The following C16orf96 variants were observed in gnomAD, a reference collection of about 807,000 sequenced individuals.
C16orf96 encodes uncharacterized protein C16orf96.
C16orf96 carries 108 observed loss-of-function variants against 103.6 expected under a neutral mutation model. The observed-to-expected ratio is 1.04, with a 90% CI of 0.89 to 1.22. The LOEUF is 1.22. Among genes scored for constraint, C16orf96 ranks in the 50% most tolerant of loss-of-function variants. C16orf96 has a pLI of 0.00. For synonymous variants in C16orf96, 566 were observed against 593.5 expected, an observed-to-expected ratio of 0.95 and a Z score of 0.67; for missense variants, 1,586 against 1,464.2, an observed-to-expected ratio of 1.08 and a Z score of -1.36.
chr16:4,553,973 C>G (rs1290942008), upstream of C16orf96, among the ~76,000 whole-genome samples: 2 of 152,210 alleles, frequency 1.3e-5, no homozygotes, highest in South Asian at 2.1e-4. Context: ...AGCAGGGCTC[C>G]TGCTGTGTGG....
chr16:4,580,481 C>T (rs952006422), intron 7 of C16orf96, among the ~76,000 whole-genome samples: 2 of 152,022 alleles, frequency 1.3e-5, no homozygotes, highest in African/African-American at 4.8e-5. Context: ...CTTAACATTT[C>T]CCTGAGCCAA....
At chr16:4,598,242 T>G (rs998441447) in intron 14 of C16orf96, among the ~76,000 whole-genome samples, 2 of 152,064 alleles carry the variant, frequency 1.3e-5, no homozygotes, top group African/African-American at 4.8e-5. Flanking sequence ...TCCCAGCTAC[T>G]TGGGGGGCTG....
At chr16:4,555,220 G>A (rs1030339425), upstream of C16orf96, among the ~76,000 whole-genome samples, 16 of 151,074 alleles carry the variant, frequency 1.1e-4, no homozygotes, top group East Asian at 4.1e-4. Context: ...CGGAGATCGC[G>A]CCACTGCACT....
Position 4,600,311 on chromosome 16 carries a change from C to T in C16orf96, c.3420C>T (p.Asn1140=). 1 of 1,548,126 alleles carries T rather than the reference C, an allele frequency of 6.5e-7. No homozygotes were observed. The highest frequency in any genetic ancestry group is 2.4e-5 in the East Asian group (1 of 40,876). Residue 1140 remains asparagine, a synonymous_variant, in exon 16 of 16, where the codon AAC becomes AAT. Coordinates refer to ENST00000444310, the MANE Select transcript of C16orf96 (RefSeq NM_001145011.2). ...VGRKPPEEPA[N]P ...GGAAGCCCCCCGAGGAGCCCGCCAA[C>T]CCGTGAGCCCCACCCCGCTGCGCCC... is the stretch of plus-strand genomic sequence containing the variant.
At chr16:4,588,055 A>G in intron 8 of C16orf96, 112 bp from the exon 9 acceptor site, 2 of 1,120,594 alleles carry the variant, frequency 1.8e-6, no homozygotes, top group Non-Finnish European at 1.2e-6. Context: ...AGCCAAGGCT[A>G]AAAGTCCAGA....
the C16orf96 span, among the ~76,000 whole-genome samples, chr16:4,543,833 G>C: frequency 1.3e-5 from 2 of 151,802 alleles, no homozygotes; most frequent in Non-Finnish European, 2.9e-5. Flanking sequence ...GTAGAGACAG[G>C]GTTTCACCAT....
intron 2 of C16orf96, among the ~76,000 whole-genome samples, chr16:4,572,852 G>T (rs746549569): frequency 2.3e-4 from 35 of 152,122 alleles, no homozygotes; most frequent in Non-Finnish European, 2.8e-4. Flanking sequence ...ACCATGCATG[G>T]AAGGACATGG....
intron 5 of C16orf96, 36 bp from the exon 6 acceptor site, chr16:4,578,904 C>G (rs1287328109): frequency 7.3e-6 from 11 of 1,511,486 alleles, no homozygotes; most frequent in African/African-American, 6.9e-5. Context: ...TTCCTCCATC[C>G]GAGCCCTCAG....
the C16orf96 span, among the ~76,000 whole-genome samples, chr16:4,541,909 A>T: frequency 1.3e-5 from 2 of 152,182 alleles, no homozygotes; most frequent in African/African-American, 2.4e-5. Context: ...GCTCACAGGA[A>T]CCTAGGTTGT....
rs140665668 is a variant in C16orf96, at chr16:4,595,729, C to T, written c.3127+926C>T. On this transcript the variant is annotated intron_variant, in intron 14 of 15. Coordinates refer to ENST00000444310, the MANE Select transcript of C16orf96 (RefSeq NM_001145011.2). Reference sequence around the variant, plus strand: ...TGTTGTTGTTTGTTTGTTTTTGAGGCGGAGTCTTGCTCTGTCGCCCAGGCT... The same window carrying T: ...TGTTGTTGTTTGTTTGTTTTTGAGGTGGAGTCTTGCTCTGTCGCCCAGGCT... Among the ~76,000 whole-genome samples, 670 of 151,900 alleles carry T rather than the reference C, an allele frequency of 4.4e-3. 7 individuals carry two copies. Among genetic ancestry groups the T allele is most frequent in the African/African-American group, 0.016 (647 of 41,402 alleles).
At chr16:4,595,690 T>TTTGTTG (rs56706290) in intron 14 of C16orf96, among the ~76,000 whole-genome samples, 255 of 150,710 alleles carry the variant, frequency 1.7e-3, no homozygotes, top group East Asian at 2.0e-3. Flanking sequence ...ATTCTGGTTT[T>TTTGTTG]TTGTTGTTGT....
In C16orf96 at chr16:4,593,286, G is replaced by A. The variant is rs1013478335; in HGVS notation, c.2837G>A (p.Ser946Asn). The change falls in exon 12 of 16, where the codon AGC becomes AAC. Residue 946 changes from serine to asparagine, a missense_variant. Coordinates refer to ENST00000444310, the MANE Select transcript of C16orf96 (RefSeq NM_001145011.2). This position sits in a 1 kb window ranked among gnomAD's most constrained non-coding sequence, Gnocchi z 4.2. ...CGGCTGCGGCCAGCCAGCGCCAACA[G>A]CTGCGAGTACTTGCAGCGGCAACAG... Reference protein sequence around the residue: ...LSRLRPASANSCEYLQRQQMR... With the variant: ...LSRLRPASANNCEYLQRQQMR... 3 of 1,550,948 alleles carry A rather than the reference G, an allele frequency of 1.9e-6. No homozygotes were observed. Among genetic ancestry groups the A allele is most frequent in the Non-Finnish European group, 8.7e-7 (1 of 1,146,908 alleles).
intron 9 of C16orf96, among the ~76,000 whole-genome samples, chr16:4,589,052 C>T (rs564660161): frequency 3.9e-5 from 6 of 152,238 alleles, no homozygotes; most frequent in African/African-American, 7.2e-5. Context: ...AGTCAGTAAA[C>T]GATGAATGAA....
chr16:4,549,532 G>A, the C16orf96 span, among the ~76,000 whole-genome samples: 6 of 150,344 alleles, frequency 4.0e-5, no homozygotes, highest in South Asian at 2.1e-4. Flanking sequence ...GCTCACACCC[G>A]TAATCCTGTA....
chr16:4,578,702 G>C (rs543072181), intron 5 of C16orf96, among the ~76,000 whole-genome samples: 16 of 152,242 alleles, frequency 1.1e-4, no homozygotes, highest in Non-Finnish European at 1.3e-4. Context: ...AAGTTGTAGT[G>C]AGCCGAGATC....
chr16:4,568,194 A>G (rs560240087), intron 1 of C16orf96, among the ~76,000 whole-genome samples: 3 of 152,084 alleles, frequency 2.0e-5, no homozygotes, highest in South Asian at 2.1e-4. Context: ...ATGAGCCACC[A>G]TACCTGGCCT....
the C16orf96 span, chr16:4,538,666 C>T: frequency 4.6e-5 from 7 of 152,266 alleles, no homozygotes; most frequent in South Asian, 2.1e-4. Context: ...AGGGCTCCCG[C>T]GCGAAGCCGT....
Position 4,594,473 on chromosome 16 carries a change from A to T in C16orf96, c.2990A>T (p.Tyr997Phe). 1 of 1,551,502 alleles carries T rather than the reference A, an allele frequency of 6.4e-7. No individual in the cohort carries two copies. Among genetic ancestry groups the T allele is most frequent in the Non-Finnish European group, 8.7e-7 (1 of 1,146,990 alleles). The change falls in exon 13 of 16, where the codon TAT becomes TTT. Residue 997 changes from tyrosine (Y) to phenylalanine (F), a missense_variant. Coordinates refer to ENST00000444310, the MANE Select transcript of C16orf96 (RefSeq NM_001145011.2). ...AAGTCCTGCAACCTGTTGACGCTCT[A>T]TCCCTACGGGGATCCCCACGTGATC... is the stretch of plus-strand genomic sequence containing the variant. ...KCKSCNLLTLYPYGDPHVIDY... is the reference protein window; with the variant it reads ...KCKSCNLLTLFPYGDPHVIDY...
intron 7 of C16orf96, among the ~76,000 whole-genome samples, chr16:4,582,943 AT>A (rs923409747): frequency 2.6e-5 from 4 of 152,004 alleles, no homozygotes; most frequent in Admixed American, 6.6e-5. Context: ...TGCTATGAAG[AT>A]TTCATTGCTG....
Sources: gnomAD v4.1 joint callset for allele counts (sites outside exome capture counted in the v4.1 genomes callset) on GRCh38, gnomAD v4.1.1 for gene constraint, Gnocchi (gnomAD v3.1) non-coding constraint, MANE v1.5 for transcripts, NCBI Gene and HGNC (gene_info 2026-07-23, HGNC 2026-07-21) for gene names.